The following MICAL3 variants were observed in gnomAD, a reference collection of about 807,000 sequenced individuals.
The protein encoded by MICAL3 is microtubule associated monooxygenase, calponin and LIM domain containing 3, also known as [F-actin]-monooxygenase MICAL3.
A neutral mutation model predicts 207.4 loss-of-function variants in MICAL3; 62 were observed. The ratio of observed to expected loss-of-function variants is 0.30; its 90% CI spans 0.24 to 0.37. The LOEUF (loss-of-function observed/expected upper bound fraction) is 0.37. Among genes scored for constraint, MICAL3 ranks in the 10% least tolerant of loss-of-function variants. The pLI, the probability that MICAL3 is intolerant of heterozygous loss-of-function variation, is 1.00. For missense variants in MICAL3, 2,368 were observed against 2,635.6 expected (o/e 0.90, Z 2.22); for synonymous variants, 1,077 against 1,069.3 (o/e 1.01, Z -0.14).
intron 19 of MICAL3, chr22:17,860,325 A>C: frequency 1.0e-6 from 1 of 985,458 alleles, no homozygotes; most frequent in Non-Finnish European, 1.2e-6. Context: ...ACAAGTTAAA[A>C]ACAAAGGCAA....
At chr22:17,850,374 C>T (rs1045858061) in intron 19 of MICAL3, among the ~76,000 whole-genome samples, 2 of 149,576 alleles carry the variant, frequency 1.3e-5, no homozygotes, top group Non-Finnish European at 3.0e-5. Context: ...TCTGTGTGAC[C>T]CTGTGGAACT....
chr22:17,931,143 T>C (rs763002575), intron 1 of MICAL3, among the ~76,000 whole-genome samples: 15 of 151,918 alleles, frequency 9.9e-5, no homozygotes, highest in Non-Finnish European at 1.8e-4. Context: ...GTCCCCCAAC[T>C]TGTGGAGAGT....
chr22:17,916,850 A>G (rs1172135523), intron 1 of MICAL3, among the ~76,000 whole-genome samples: 1 of 152,076 alleles, frequency 6.6e-6, no homozygotes, highest in African/African-American at 2.4e-5. Context: ...CTCCTTCTAC[A>G]TCAGTGGCTT....
chr22:17,826,354 G>T, intron 22 of MICAL3: 1 of 638,698 alleles, frequency 1.6e-6, no homozygotes, highest in Non-Finnish European at 2.0e-6. Context: ...GCCCTGGCAT[G>T]CACTTGCAAC....
In MICAL3 at chr22:18,002,406, G is replaced by A. The variant is rs145017497; in HGVS notation, c.-75+21875C>T. On this transcript the variant is annotated intron_variant, in intron 1 of 31. Transcript: ENST00000441493. ...AGCACTTTGGGAGGGAGGCCGAGGC[G>A]AGCAGATCACAAGGTCAGGAGCTCG... Among the ~76,000 whole-genome samples, 1,122 of 151,624 alleles carry A rather than the reference G, an allele frequency of 7.4e-3. 18 individuals carry two copies. The highest frequency in any genetic ancestry group is 0.023 in the African/African-American group (968 of 41,322).
At chr22:17,912,246 G>T (rs1932191735) in intron 1 of MICAL3, among the ~76,000 whole-genome samples, 1 of 152,018 alleles carries the variant, frequency 6.6e-6, no homozygotes, top group Non-Finnish European at 1.5e-5. Context: ...TAGCTTTATA[G>T]TAAGTTTTGA....
At chr22:17,817,171 A>T in intron 26 of MICAL3, 140 bp downstream of exon 26, 1 of 1,045,142 alleles carries the variant, frequency 9.6e-7, no homozygotes, top group Non-Finnish European at 1.3e-6. Context: ...CCCATGGTTC[A>T]GTCCCTTCTC....
At chr22:17,910,492 C>T (rs973975336) in intron 1 of MICAL3, among the ~76,000 whole-genome samples, 4 of 152,186 alleles carry the variant, frequency 2.6e-5, no homozygotes, top group African/African-American at 7.2e-5. Context: ...CAGAGCCAAC[C>T]AGCAGGCAAG....
At chr22:17,946,621 C>T (rs1934080216) in intron 1 of MICAL3, among the ~76,000 whole-genome samples, 1 of 152,166 alleles carries the variant, frequency 6.6e-6, no homozygotes, top group African/African-American at 2.4e-5. Context: ...TGGACACATC[C>T]CCAAAGTACC....
At chr22:17,950,166 A>T (rs866485965) in intron 1 of MICAL3, among the ~76,000 whole-genome samples, 7 of 144,006 alleles carry the variant, frequency 4.9e-5, no homozygotes, top group African/African-American at 1.9e-4. Context: ...ACAGCTGTCT[A>T]TTTTTTTTTT....
At chr22:17,862,939 A>C (rs1926674898) in intron 19 of MICAL3, 1 of 985,164 alleles carries the variant, frequency 1.0e-6, no homozygotes, top group Admixed American at 6.2e-5. Context: ...TGCTATACCA[A>C]GTCACCTTCT....
chr22:17,904,137 C>T (rs561414353), intron 3 of MICAL3, among the ~76,000 whole-genome samples: 1 of 152,246 alleles, frequency 6.6e-6, no homozygotes, highest in Non-Finnish European at 1.5e-5. Flanking sequence ...ACGGCCAGGC[C>T]AGGGCTCTGC....
At chr22:18,005,631 TTTG>T (rs1296168291) in intron 1 of MICAL3, 1 of 152,136 alleles carries the variant, frequency 6.6e-6, no homozygotes, top group Non-Finnish European at 1.5e-5. Context: ...TTTATACTGG[TTTG>T]TTGTTTATAT....
chr22:17,871,799 C>G (rs767600364), intron 17 of MICAL3, 38 bp downstream of exon 17: 15 of 1,554,656 alleles, frequency 9.6e-6, no homozygotes, highest in African/African-American at 2.7e-5. Context: ...TGTCCAAGCA[C>G]AGTTTCTCAG....
At chr22:17,861,204 G>A (rs1400886872) in intron 19 of MICAL3, 14 of 985,238 alleles carry the variant, frequency 1.4e-5, no homozygotes, top group African/African-American at 1.7e-5. Flanking sequence ...AAATTCTACT[G>A]CCTGGCTACC....
intron 16 of MICAL3, among the ~76,000 whole-genome samples, chr22:17,877,468 T>G (rs1484123111): frequency 1.7e-3 from 147 of 85,818 alleles, no homozygotes; most frequent in East Asian, 5.4e-3. Context: ...AGGGAGATTA[T>G]GGAGGTTAGG....
chr22:17,855,742 G>GCTGT (rs1191636863), intron 19 of MICAL3, among the ~76,000 whole-genome samples: 1 of 152,142 alleles, frequency 6.6e-6, no homozygotes, highest in East Asian at 1.9e-4. Context: ...TATTTAATGT[G>GCTGT]CTGTCTTTCC....
At chr22:18,000,370 T>C (rs1285411016) in intron 1 of MICAL3, among the ~76,000 whole-genome samples, 3 of 152,262 alleles carry the variant, frequency 2.0e-5, no homozygotes, top group African/African-American at 7.2e-5. Flanking sequence ...CAAATGTGGT[T>C]TGAACTCTTG....
chr22:17,977,548 A>C (rs1401455581), intron 1 of MICAL3, among the ~76,000 whole-genome samples: 1 of 151,880 alleles, frequency 6.6e-6, no homozygotes, highest in Non-Finnish European at 1.5e-5. Flanking sequence ...AAAAAAAAAA[A>C]AGACAGACAA....
Sources: allele counts gnomAD v4.1 joint callset (sites outside exome capture counted in the v4.1 genomes callset), GRCh38; gene constraint gnomAD v4.1.1; transcripts MANE v1.5; gene names NCBI Gene and HGNC (gene_info 2026-07-23, HGNC 2026-07-21).